The following ZSCAN30 variants were observed in gnomAD, a reference collection of about 807,000 sequenced individuals.
ZSCAN30 encodes the protein zinc finger and SCAN domain containing 30.
A neutral mutation model predicts 44.3 loss-of-function variants in ZSCAN30; 37 were observed. That is an observed-to-expected ratio of 0.84 (90% CI 0.64 to 1.10). ZSCAN30 has a LOEUF of 1.10. Among genes scored for constraint, ZSCAN30 ranks in the 50% least tolerant of loss-of-function variants. The pLI is 0.00. For synonymous variants in ZSCAN30, 181 were observed against 204.6 expected (o/e 0.88, Z 0.98); for missense variants, 549 against 582.6 (o/e 0.94, Z 0.59).
At chr18:35,256,501 C>T (rs553317045) in intron 3 of ZSCAN30, among the ~76,000 whole-genome samples, 72 of 151,598 alleles carry the variant, frequency 4.7e-4, no homozygotes, top group African/African-American at 1.6e-3. Context: ...GTGGAGGTTG[C>T]AGTGAACCAA....
At chr18:35,272,284 C>T (rs2044296082) in intron 1 of ZSCAN30, among the ~76,000 whole-genome samples, 1 of 152,172 alleles carries the variant, frequency 6.6e-6, no homozygotes, top group South Asian at 2.1e-4. Context: ...CCTGCCTTGG[C>T]CTCCCAAAGT....
At chr18:35,282,037 C>G (rs1265538734) in intron 1 of ZSCAN30, 1 of 152,048 alleles carries the variant, frequency 6.6e-6, no homozygotes, top group Non-Finnish European at 1.5e-5. Context: ...CAAGGGTGAT[C>G]TGCAGTAGTC....
rs1460085485 is a variant in ZSCAN30, at chr18:35,254,234, T to C, written c.701A>G (p.Asn234Ser). The C allele has an allele frequency of 6.2e-7, 1 of 1,614,108 alleles. No homozygotes were observed. Residue 234 changes from asparagine (N) to serine (S), a missense_variant, in exon 4 of 4, where the codon AAC becomes AGC. Transcript: ENST00000333206. ...IAEEALGGLDNSKKQKGNAAG... is the reference protein window; with the variant it reads ...IAEEALGGLDSSKKQKGNAAG... ...AGCATTTCCCTTTTGCTTCTTAGAG[T>C]TGTCCAGACCTCCCAAAGCTTCTTC...
At chr18:35,258,282 T>C in intron 3 of ZSCAN30, 1 of 375,936 alleles carries the variant, frequency 2.7e-6, no homozygotes, top group Non-Finnish European at 4.9e-6. Flanking sequence ...TAAATTTTGC[T>C]AAGTCCAAGG....
At chr18:35,277,346 G>A (rs1024384884) in intron 1 of ZSCAN30, among the ~76,000 whole-genome samples, 1 of 152,144 alleles carries the variant, frequency 6.6e-6, no homozygotes, top group Admixed American at 6.5e-5. Context: ...CATGAGATTT[G>A]GGAGGGGCCA....
At chr18:35,280,740 T>C (rs750549896) in intron 1 of ZSCAN30, 1 of 152,244 alleles carries the variant, frequency 6.6e-6, no homozygotes. Flanking sequence ...AATTTAAAGA[T>C]CTTATTCACA....
At chr18:35,263,397 G>C (rs1373824238) in intron 3 of ZSCAN30, 116 bp downstream of exon 3, 1 of 1,279,218 alleles carries the variant, frequency 7.8e-7, no homozygotes. Flanking sequence ...AGGCAAAGAA[G>C]CCTTTCCACA....
At chr18:35,289,091 T>C (rs969458074) in intron 1 of ZSCAN30, among the ~76,000 whole-genome samples, 1 of 152,088 alleles carries the variant, frequency 6.6e-6, no homozygotes, top group African/African-American at 2.4e-5. Flanking sequence ...TTCTCCTGAC[T>C]CGGCCTCCCA....
At chr18:35,271,646 G>A (rs930026521) in intron 1 of ZSCAN30, among the ~76,000 whole-genome samples, 2 of 152,252 alleles carry the variant, frequency 1.3e-5, no homozygotes, top group South Asian at 2.1e-4. Flanking sequence ...CCTGCACCGC[G>A]TGCCTGCACT....
At chr18:35,287,777 G>T (rs1219669490) in intron 1 of ZSCAN30, among the ~76,000 whole-genome samples, 1 of 151,580 alleles carries the variant, frequency 6.6e-6, no homozygotes, top group Non-Finnish European at 1.5e-5. Flanking sequence ...GATAAACTGT[G>T]CTTCATCAAA....
intron 3 of ZSCAN30, chr18:35,260,459 C>T (rs1463198733): frequency 6.6e-6 from 1 of 152,194 alleles, no homozygotes; most frequent in African/African-American, 2.4e-5. Flanking sequence ...AATGGTTGAA[C>T]TAATTTACAT....
At chr18:35,262,314 C>T (rs1363531944) in intron 3 of ZSCAN30, 2 of 152,110 alleles carry the variant, frequency 1.3e-5, no homozygotes, top group African/African-American at 4.8e-5. Context: ...TTAATGAGAA[C>T]AAGCTGGTAT....
In ZSCAN30 at chr18:35,254,243, C is replaced by A. The variant is rs1598603008; in HGVS notation, c.692G>T (p.Gly231Val). Residue 231 changes from glycine (G) to valine (V), a missense_variant, in exon 4 of 4, where the codon GGT (glycine) becomes GTT (valine). Gly to Val is a moderately radical substitution (Grantham distance 109). Transcript: ENST00000333206. ...SQRIAEEALG[G>V]LDNSKKQKGN... ...CTTTTGCTTCTTAGAGTTGTCCAGA[C>A]CTCCCAAAGCTTCTTCAGCTATCCG... is the stretch of plus-strand genomic sequence containing the variant. 1 of 1,614,136 alleles carries A rather than the reference C, an allele frequency of 6.2e-7. No individual in the cohort carries two copies. The highest frequency in any genetic ancestry group is 8.5e-7 in the Non-Finnish European group (1 of 1,179,994).
At chr18:35,267,773 A>G (rs1204587318) in intron 1 of ZSCAN30, 1 of 151,810 alleles carries the variant, frequency 6.6e-6, no homozygotes, top group Admixed American at 6.6e-5. Context: ...ATATTCAAAC[A>G]TATTTTTCCT....
At chr18:35,271,869 C>G (rs1343301934) in intron 1 of ZSCAN30, among the ~76,000 whole-genome samples, 1 of 152,216 alleles carries the variant, frequency 6.6e-6, no homozygotes, top group African/African-American at 2.4e-5. Context: ...CCCCGCGCCC[C>G]CTCCGCAGCT....
chr18:35,280,709 C>G (rs1258934350), intron 1 of ZSCAN30, among the ~76,000 whole-genome samples: 3 of 152,168 alleles, frequency 2.0e-5, no homozygotes, highest in African/African-American at 7.2e-5. Context: ...ACTGACATGT[C>G]AAAGATGTCT....
chr18:35,272,099 C>T (rs1045378621), intron 1 of ZSCAN30, among the ~76,000 whole-genome samples: 5 of 152,238 alleles, frequency 3.3e-5, no homozygotes, highest in Non-Finnish European at 7.3e-5. Flanking sequence ...CTGAAGGGCC[C>T]CTCAAGCATG....
intron 1 of ZSCAN30, chr18:35,270,118 G>A (rs1318551414): frequency 6.6e-6 from 1 of 152,124 alleles, no homozygotes; most frequent in South Asian, 2.1e-4. Flanking sequence ...TTTAAAAAAT[G>A]TATTAACACC....
chr18:35,258,901 A>AAAG (rs2043938457), intron 3 of ZSCAN30: 1 of 147,138 alleles, frequency 6.8e-6, no homozygotes, highest in Non-Finnish European at 1.5e-5. Context: ...AAAAAAAAAA[A>AAAG]GGTCAAAGTG....
Sources: allele counts gnomAD v4.1 joint callset (sites outside exome capture counted in the v4.1 genomes callset), GRCh38; gene constraint gnomAD v4.1.1; transcripts MANE v1.5; gene names NCBI Gene and HGNC (gene_info 2026-07-23, HGNC 2026-07-21).